Variants in ACSL1 observed in about 807,000 individuals in gnomAD.
The protein encoded by ACSL1 is acyl-CoA synthetase long chain family member 1, also known as long-chain-fatty-acid--CoA ligase 1.
A neutral mutation model predicts 98.4 loss-of-function variants in ACSL1; 41 were observed. The observed-to-expected ratio is 0.42, with a 90% CI of 0.32 to 0.54. The LOEUF is 0.54. Ranked by LOEUF, ACSL1 falls within the 20% of genes least tolerant of loss-of-function variation. The pLI is 0.13. For missense variants in ACSL1, 734 were observed against 883.1 expected (o/e 0.83, Z 2.14); for synonymous variants, 316 against 322.7 (o/e 0.98, Z 0.22).
intron 1 of ACSL1, among the ~76,000 whole-genome samples, chr4:184,811,044 T>C (rs988600083): frequency 6.6e-6 from 1 of 152,128 alleles, no homozygotes; most frequent in African/African-American, 2.4e-5. Context: ...CGTGCGTGGG[T>C]GTTCAAGTCT....
chr4:184,770,115 T>TA, intron 11 of ACSL1: 1 of 853,676 alleles, frequency 1.2e-6, no homozygotes, highest in South Asian at 1.9e-5. Flanking sequence ...CTCCTAATTT[T>TA]AAAATGAGTG....
At chr4:184,811,315 T>C (rs564517101) in intron 1 of ACSL1, among the ~76,000 whole-genome samples, 8 of 151,980 alleles carry the variant, frequency 5.3e-5, no homozygotes, top group Non-Finnish European at 7.4e-5. Context: ...GGTTTCACCG[T>C]GTTGGCCAGG....
In ACSL1 at chr4:184,825,196, A is replaced by C; in HGVS notation, c.-33+720T>G. On this transcript the variant is annotated intron_variant, in intron 1 of 20. Transcript: ENST00000281455. This position sits in a 1 kb window ranked among gnomAD's most constrained non-coding sequence, Gnocchi z 4.7. ...GGGGGAACGCCTGTCCCCAGACTCG[A>C]ATCCACGTGTCCATTCAAGTCATCT... 1 of 985,388 alleles carries C rather than the reference A, an allele frequency of 1.0e-6. No homozygotes were observed. The highest frequency in any genetic ancestry group is 1.7e-5 in the African/African-American group (1 of 57,348). The allele number at this position is 985,388 out of a possible 1,614,324, so 61.0% of individuals were successfully genotyped here. A position where few individuals can be genotyped will look rare whatever the true frequency, so the allele number is the denominator to read the frequency against.
intron 3 of ACSL1, among the ~76,000 whole-genome samples, chr4:184,784,445 A>G (rs1766875493): frequency 1.3e-5 from 2 of 152,242 alleles, no homozygotes; most frequent in Admixed American, 1.3e-4. Flanking sequence ...TTATGTGTCC[A>G]AATTTTGATG....
Position 184,773,623 on chromosome 4 carries a change from T to C in ACSL1, c.841+40A>G, listed in dbSNP as rs200435776. 843 of 1,584,086 alleles carry C rather than the reference T, an allele frequency of 5.3e-4. 3 individuals are homozygous for C. The African/African-American group carries it at 1.0e-2, about 19-fold the overall frequency. On this transcript the variant is annotated intron_variant, in intron 9 of 20. Coordinates refer to ENST00000281455, the MANE Select transcript of ACSL1 (RefSeq NM_001995.5). This position sits in a 1 kb window ranked among gnomAD's most constrained non-coding sequence, Gnocchi z 4.3. Reference sequence around the variant, plus strand: ...AGAGGTAGGGGAGAGTCCAGACCAATGGCTGCCATATGTAGAAGCAATTCT... The same window carrying C: ...AGAGGTAGGGGAGAGTCCAGACCAACGGCTGCCATATGTAGAAGCAATTCT...
At chr4:184,786,938 C>T (rs1331727228) in intron 3 of ACSL1, among the ~76,000 whole-genome samples, 3 of 152,112 alleles carry the variant, frequency 2.0e-5, no homozygotes, top group South Asian at 2.1e-4. Context: ...GTGACCTGCC[C>T]GCCTTGGCCT....
chr4:184,763,345 A>G (rs950294965), intron 15 of ACSL1, 90 bp from the exon 16 acceptor site: 12 of 1,192,000 alleles, frequency 1.0e-5, no homozygotes, highest in Non-Finnish European at 1.4e-5. Flanking sequence ...GATTCCACAT[A>G]AGAAAAACGG....
chr4:184,792,122 AAAG>A (rs1157067520), intron 2 of ACSL1, among the ~76,000 whole-genome samples: 1 of 152,230 alleles, frequency 6.6e-6, no homozygotes, highest in Non-Finnish European at 1.5e-5. Flanking sequence ...AATCAAAGTT[AAAG>A]AAGTGAATGA....
chr4:184,776,397 T>C lies in ACSL1; in HGVS notation c.756+87A>G, dbSNP rs561812745. The C allele has an allele frequency of 4.2e-6, 6 of 1,439,966 alleles. No individual in the cohort carries two copies. The African/African-American group carries it at 8.6e-5, about 21-fold the overall frequency. The allele number at this position is 1,439,966 out of a possible 1,614,324, so 89.2% of individuals were successfully genotyped here. A position where few individuals can be genotyped will look rare whatever the true frequency, so the allele number is the denominator to read the frequency against. Reference sequence around the variant, plus strand: ...ACCGGCCAGCGCTGGGACTGCACCATAGCACTAGATAGCACTGGATAGCAC... The same window carrying C: ...ACCGGCCAGCGCTGGGACTGCACCACAGCACTAGATAGCACTGGATAGCAC... On this transcript the variant is annotated intron_variant, in intron 7 of 20. Coordinates refer to ENST00000281455, the MANE Select transcript of ACSL1 (RefSeq NM_001995.5).
chr4:184,811,330 T>A (rs564507822), intron 1 of ACSL1, among the ~76,000 whole-genome samples: 5 of 151,960 alleles, frequency 3.3e-5, no homozygotes, highest in Admixed American at 1.3e-4. Context: ...GCCAGGATGG[T>A]CTCGATCTCC....
chr4:184,769,398 G>A (rs950296185), intron 11 of ACSL1, among the ~76,000 whole-genome samples: 1 of 152,182 alleles, frequency 6.6e-6, no homozygotes, highest in Non-Finnish European at 1.5e-5. Context: ...GATGACACAA[G>A]GGAAGTACAA....
rs1762115061 is a variant in ACSL1 at position 184,756,288 on chromosome 4, A to G, written c.*837T>C. On this transcript the variant is annotated 3_prime_UTR_variant, in exon 21 of 21. Coordinates refer to ENST00000281455, the MANE Select transcript of ACSL1 (RefSeq NM_001995.5). ...CAGGCGTCACAGCTGAGCATGGCTGATCCAGGTAACTCTTTCTTGAAATGC... is the reference window on the plus strand; with the variant it reads ...CAGGCGTCACAGCTGAGCATGGCTGGTCCAGGTAACTCTTTCTTGAAATGC... The G allele has an allele frequency of 6.6e-6, 1 of 152,652 alleles. No homozygotes were observed. Among genetic ancestry groups the G allele is most frequent in the Non-Finnish European group, 1.5e-5 (1 of 68,038 alleles). The allele number at this position is 152,652 out of a possible 1,614,324, so 9.5% of individuals were successfully genotyped here.
intron 11 of ACSL1, among the ~76,000 whole-genome samples, chr4:184,769,657 G>T (rs923184917): frequency 1.3e-5 from 2 of 152,200 alleles, no homozygotes; most frequent in South Asian, 4.1e-4. Flanking sequence ...GAGCAAATCC[G>T]ACAGGGCAGC....
intron 2 of ACSL1, chr4:184,798,723 C>T (rs1769898906): frequency 6.6e-6 from 1 of 152,330 alleles, no homozygotes; most frequent in Non-Finnish European, 1.5e-5. Context: ...CAGGGCCAGG[C>T]TGGCTGTGCC....
At chr4:184,807,310 C>T (rs375867252) in intron 1 of ACSL1, among the ~76,000 whole-genome samples, 4 of 152,106 alleles carry the variant, frequency 2.6e-5, no homozygotes, top group Admixed American at 6.5e-5. Flanking sequence ...TAAATCATGC[C>T]GCTGTTTGCC....
rs776478437 is a variant in ACSL1 at position 184,776,925 on chromosome 4, T to C, written c.536A>G (p.Asp179Gly). 9 of 1,614,156 alleles carry C rather than the reference T, an allele frequency of 5.6e-6. No individual in the cohort carries two copies. Among genetic ancestry groups the C allele is most frequent in the Non-Finnish European group, 7.6e-6 (9 of 1,180,032 alleles). The change falls in exon 6 of 21, where the codon GAT becomes GGT. Residue 179 changes from aspartate to glycine, a missense_variant. Asp to Gly is a moderately conservative substitution (Grantham distance 94). Coordinates refer to ENST00000281455, the MANE Select transcript of ACSL1 (RefSeq NM_001995.5). ...CGTGATGGCTTCATTTCCAAGGGTA[T>C]CATAAAGTGGAACGATCACCATCGA... is the stretch of plus-strand genomic sequence containing the variant. The part of the protein sequence containing the change: ...AYSMVIVPLY[D>G]TLGNEAITYI...
intron 1 of ACSL1, among the ~76,000 whole-genome samples, chr4:184,806,090 T>C (rs1037112617): frequency 6.6e-6 from 1 of 152,164 alleles, no homozygotes; most frequent in Non-Finnish European, 1.5e-5. Flanking sequence ...TGAGCCAGGC[T>C]TTGGCCAGGC....
Position 184,757,090 on chromosome 4 carries a change from A to T in ACSL1, c.*35T>A. 6.5e-7 allele frequency: 1 copy of T among 1,540,426 alleles called. No homozygotes were observed. Among genetic ancestry groups the T allele is most frequent in the South Asian group, 1.2e-5 (1 of 82,696 alleles). ...CCATCAGCAGGAGAAGAGATTGTGG[A>T]ACTGTGCCATTTCCTCTGAGCTTTC... On this transcript the variant is annotated 3_prime_UTR_variant, in exon 21 of 21. Transcript: ENST00000281455. The surrounding 1 kb of genome is among the most constrained non-coding windows in gnomAD (Gnocchi z 4.5).
intron 2 of ACSL1, among the ~76,000 whole-genome samples, chr4:184,791,325 A>G (rs1768319712): frequency 6.6e-6 from 1 of 152,206 alleles, no homozygotes; most frequent in Non-Finnish European, 1.5e-5. Flanking sequence ...CAGGGACTCC[A>G]GGGAACCCTG....
Sources: allele counts gnomAD v4.1 joint callset (sites outside exome capture counted in the v4.1 genomes callset), GRCh38; gene constraint gnomAD v4.1.1; non-coding constraint Gnocchi (gnomAD v3.1); transcripts MANE v1.5; gene names NCBI Gene and HGNC (gene_info 2026-07-23, HGNC 2026-07-21).